MUC6: variants seen among roughly 807,000 people sequenced by gnomAD.
The protein encoded by MUC6 is mucin 6, oligomeric mucus/gel-forming (gene/pseudogene), also known as mucin-6.
A neutral mutation model predicts 201.5 loss-of-function variants in MUC6; 188 were observed. That is an observed-to-expected ratio of 0.93 (90% CI 0.83 to 1.05). The LOEUF is 1.05. MUC6 is among the 50% of genes least tolerant of loss of function. The pLI, the probability that MUC6 is intolerant of heterozygous loss-of-function variation, is 0.00. For synonymous variants in MUC6, 1,228 were observed against 1,389.4 expected (o/e 0.88, Z 2.58); for missense variants, 2,706 against 3,256.9 (o/e 0.83, Z 4.12).
In MUC6 at chr11:1,031,149, C is replaced by A; in HGVS notation, c.574+20G>T. 1.4e-6 allele frequency: 2 copies of A among 1,455,676 alleles called. No homozygotes were observed. Among genetic ancestry groups the A allele is most frequent in the Non-Finnish European group, 1.9e-6 (2 of 1,076,184 alleles). The allele number at this position is 1,455,676 out of a possible 1,614,324, so 90.2% of individuals were successfully genotyped here. A position where few individuals can be genotyped will look rare whatever the true frequency, so the allele number is the denominator to read the frequency against. On this transcript the variant is annotated intron_variant, in intron 5 of 32. Coordinates refer to ENST00000421673, the MANE Select transcript of MUC6 (RefSeq NM_005961.3). ...ACCTAGAGGCCCCCCCAGAGGCCCC[C>A]CAGCCCTGCCCCCACCTACCCTCCT... is the stretch of plus-strand genomic sequence containing the variant.
rs751476138 is a variant in MUC6, at chr11:1,015,763, G to A, written c.7038C>T (p.Pro2346=). The change falls in exon 31 of 33, where the codon CCC becomes CCT. Residue 2346 remains proline (P), a splice_region_variant and synonymous_variant. Transcript: ENST00000421673. ...AAGGGCCACAGAGATGCCACTTACC[G>A]GGTGAGGTGGGCGTAGGTGTCCCGA... ...SSLGTPTPTS[P]GVCSVREQQE... 5.2e-6 allele frequency: 8 copies of A among 1,529,928 alleles called. No homozygotes were observed. Among genetic ancestry groups the A allele is most frequent in the South Asian group, 2.6e-5 (2 of 77,098 alleles). The allele number at this position is 1,529,928 out of a possible 1,614,324, so 94.8% of individuals were successfully genotyped here. A position where few individuals can be genotyped will look rare whatever the true frequency, so the allele number is the denominator to read the frequency against.
Position 1,025,811 on chromosome 11 carries a change from G to C in MUC6, c.2793C>G (p.Phe931Leu). Residue 931 changes from phenylalanine to leucine, a missense_variant, in exon 22 of 33, where the codon TTC (phenylalanine) becomes TTG (leucine). Transcript: ENST00000421673. ...AGTCTGCCCGGCTGCTCACCCCCAG[G>C]AAGATCTTGATGGCCCGTGAGCATG... is the stretch of plus-strand genomic sequence containing the variant. ...GVTCSRAIKI[F>L]LGGLSVVLAD... 2 of 1,611,820 alleles carry C rather than the reference G, an allele frequency of 1.2e-6. No homozygotes were observed. The highest frequency in any genetic ancestry group is 1.7e-6 in the Non-Finnish European group (2 of 1,179,480).
intron 5 of MUC6, 42 bp downstream of exon 5, chr11:1,031,127 T>TAGAGGCCCCCCC: frequency 5.6e-6 from 1 of 177,274 alleles, no homozygotes; most frequent in South Asian, 8.2e-5. Context: ...GCCCCCCACC[T>TAGAGGCCCCCCC]AGAGGCCCCC....
At chr11:1,021,510 G>A (rs1167564462) in intron 26 of MUC6, among the ~76,000 whole-genome samples, 3 of 151,792 alleles carry the variant, frequency 2.0e-5, no homozygotes, top group Non-Finnish European at 4.4e-5. Flanking sequence ...AGCTGCGATT[G>A]CAGGCATGTG....
intron 30 of MUC6, 50 bp downstream of exon 30, chr11:1,019,225 G>A: frequency 6.4e-7 from 1 of 1,566,552 alleles, no homozygotes; most frequent in Non-Finnish European, 8.8e-7. Flanking sequence ...AGCTGGTGGT[G>A]GGACCGGGTG....
At position 1,028,236 on chromosome 11, in the gene MUC6, G is replaced by T. The variant is rs1419317024; in HGVS notation, c.1743C>A (p.Ser581Arg). The T allele has an allele frequency of 5.7e-6, 9 of 1,575,928 alleles. No homozygotes were observed. Among genetic ancestry groups the T allele is most frequent in the Non-Finnish European group, 7.7e-6 (9 of 1,161,536 alleles). Residue 581 changes from serine (S) to arginine (R), a missense_variant, in exon 14 of 33, where the codon AGC (serine) becomes AGA (arginine). By Grantham distance (110) the Ser-to-Arg change is moderately radical. Around this residue, in one of 10 missense-constraint regions of MUC6, gnomAD observed 1,850 missense variants for 1,958.3 expected, o/e 0.94. Transcript: ENST00000421673. ...GGGCCGGACACTCACTGTTGAGCTG[G>T]CTCATGGAGCAGGGGTCAGTCTCAC... ...LERETDPCSM[S>R]QLNKVCAETH...
intron 22 of MUC6, 77 bp downstream of exon 22, chr11:1,025,728 C>T: frequency 1.5e-6 from 2 of 1,341,216 alleles, no homozygotes; most frequent in Admixed American, 2.0e-5. Context: ...CTGGAGGCTC[C>T]AGTGCGCGGG....
At position 1,027,788 on chromosome 11, in the gene MUC6, C is replaced by T; in HGVS notation, c.1878G>A (p.Glu626=). The stretch of plus-strand genomic sequence containing the variant: ...CGGCACAGATGTGGGGAAAGGTCTC[C>T]TCGTAGTTGCAGGCCTGGTACACGC... The part of the protein sequence containing the change: ...KRCVYQACNY[E]ETFPHICAAL... Residue 626 remains glutamate (E), a synonymous_variant, in exon 16 of 33, where the codon GAG becomes GAA. Coordinates refer to ENST00000421673, the MANE Select transcript of MUC6 (RefSeq NM_005961.3). The T allele has an allele frequency of 6.2e-7, 1 of 1,611,100 alleles. No homozygotes were observed. The highest frequency in any genetic ancestry group is 8.5e-7 in the Non-Finnish European group (1 of 1,179,442).
chr11:1,024,212 G>A (rs1457103961), intron 24 of MUC6, 109 bp from the exon 25 acceptor site: 6 of 1,323,756 alleles, frequency 4.5e-6, no homozygotes, highest in Non-Finnish European at 6.2e-6. Flanking sequence ...TGGCGGTAAG[G>A]GCGCTGGGAC....
chr11:1,020,937 GC>G lies in MUC6; in HGVS notation c.3590-204del, dbSNP rs1367101259. Among the ~76,000 whole-genome samples, 5 of 152,256 alleles carry G rather than the reference GC, an allele frequency of 3.3e-5. No individual in the cohort carries two copies. In the East Asian group the frequency reaches 9.7e-4, roughly 29 times the overall value. On this transcript the variant is annotated intron_variant, in intron 27 of 32. Transcript: ENST00000421673. ...CTCTATACCCCAGGCACCCTGGCAG[GC>G]CTGGTGAGGGTAGGGGGAGCTGGGA... is the stretch of plus-strand genomic sequence containing the variant.
At position 1,013,951 on chromosome 11, in the gene MUC6, T is replaced by C. The variant is rs779304221; in HGVS notation, c.7090A>G (p.Met2364Val). ...QQEEITFKGC[M>V]ANVTVTRCEG... is the part of the protein sequence containing the mutation. ...CAGCGGGTTACCGTCACGTTCGCCATGCACCCCTTGAACGTGATCTCCTCC... is the reference window on the plus strand; with the variant it reads ...CAGCGGGTTACCGTCACGTTCGCCACGCACCCCTTGAACGTGATCTCCTCC... Residue 2364 changes from methionine (M) to valine (V), a missense_variant, in exon 32 of 33, where the codon ATG becomes GTG. Coordinates refer to ENST00000421673, the MANE Select transcript of MUC6 (RefSeq NM_005961.3). The C allele has an allele frequency of 1.9e-6, 3 of 1,609,442 alleles. No homozygotes were observed. Among genetic ancestry groups the C allele is most frequent in the African/African-American group, 2.7e-5 (2 of 74,898 alleles).
At chr11:1,027,236 AC>A (rs765263597) in intron 17 of MUC6, 31 bp downstream of exon 17, 1 of 1,608,192 alleles carries the variant, frequency 6.2e-7, no homozygotes, top group Non-Finnish European at 8.5e-7. Flanking sequence ...CCTGGCAGGG[AC>A]CCCCCGCCTG....
Position 1,016,518 on chromosome 11 carries a change from G to A in MUC6, c.6283C>T (p.Pro2095Ser). The change falls in exon 31 of 33, where the codon CCT (proline) becomes TCT (serine). Residue 2095 changes from proline to serine, a missense_variant. Around this residue, in one of 10 missense-constraint regions of MUC6, gnomAD observed 586 missense variants for 488.0 expected, o/e 1.20. Transcript: ENST00000421673. ...GGTGGCCTTGAGCTAGAGTTCTGAG[G>A]CAGCCAAGACGAGGAGGATATGAAG... The part of the protein sequence containing the change: ...SSFISSSSWL[P>S]QNSSSRPPSS... The A allele has an allele frequency of 6.2e-7, 1 of 1,613,454 alleles. No homozygotes were observed. The highest frequency in any genetic ancestry group is 8.5e-7 in the Non-Finnish European group (1 of 1,179,524).
At position 1,016,539 on chromosome 11, in the gene MUC6, TGAAG is replaced by T. The variant is rs779418838; in HGVS notation, c.6258_6261del (p.Phe2087TyrfsTer27). 3.2e-6 allele frequency: 4 copies of T among 1,246,036 alleles called. No homozygotes were observed. The highest frequency in any genetic ancestry group is 3.1e-6 in the Non-Finnish European group (3 of 977,976). The allele number at this position is 1,246,036 out of a possible 1,614,324, so 77.2% of individuals were successfully genotyped here. ...TGAGGCAGCCAAGACGAGGAGGATA[TGAAG>T]GAAGAAGAGGCTGTAGCTGTGCTGA... is the stretch of plus-strand genomic sequence containing the variant. On this transcript the variant is annotated frameshift_variant, in exon 31 of 33. Coordinates refer to ENST00000421673, the MANE Select transcript of MUC6 (RefSeq NM_005961.3). LOFTEE classifies it high-confidence loss of function.
chr11:1,019,589 T>A, intron 29 of MUC6, 93 bp from the exon 30 acceptor site: 1 of 1,113,248 alleles, frequency 9.0e-7, no homozygotes, highest in Non-Finnish European at 1.3e-6. Flanking sequence ...CTGGGATCCC[T>A]GGCCTGCTGT....
rs779857250 is a variant in MUC6 at position 1,030,946 on chromosome 11, C to T, written c.684+1G>A. The T allele has an allele frequency of 1.1e-5, 17 of 1,567,446 alleles. No homozygotes were observed. Among genetic ancestry groups the T allele is most frequent in the South Asian group, 3.5e-5 (3 of 85,158 alleles). On this transcript the variant is annotated splice_donor_variant, in intron 6 of 32. Coordinates refer to ENST00000421673, the MANE Select transcript of MUC6 (RefSeq NM_005961.3). LOFTEE classifies it high-confidence loss of function. ...GCCCCACCTGGAGCCCCCTTGCTTA[C>T]GTGCTGGGCCTGCCGGACGTGGGTG...
In MUC6 at chr11:1,024,064, C is replaced by G. The variant is rs375978389; in HGVS notation, c.3265G>C (p.Ala1089Pro). The G allele has an allele frequency of 8.1e-6, 13 of 1,612,988 alleles. No individual in the cohort carries two copies. The highest frequency in any genetic ancestry group is 1.1e-5 in the Non-Finnish European group (13 of 1,179,796). The change falls in exon 25 of 33, where the codon GCA becomes CCA. Residue 1089 changes from alanine to proline, a missense_variant. Ala to Pro is a conservative substitution (Grantham distance 27). Coordinates refer to ENST00000421673, the MANE Select transcript of MUC6 (RefSeq NM_005961.3). Reference protein sequence around the residue: ...LPYYEACVRDACGCDSGGDCE... With the variant: ...LPYYEACVRDPCGCDSGGDCE... ...TCCCCGCCACTGTCACACCCACATG[C>G]GTCGCGCACGCAGGCCTCGTAGTAG...
In MUC6 at chr11:1,022,851, ATGTG is replaced by A. The variant is rs549974117; in HGVS notation, c.3526+654_3526+657del. The stretch of plus-strand genomic sequence containing the variant: ...AGCAAACATGAATGAATGAATGAAT[ATGTG>A]TGAATGAATGTGCATGGGTGAATGT... On this transcript the variant is annotated intron_variant, in intron 26 of 32. Transcript: ENST00000421673. Among the ~76,000 whole-genome samples, 152 of 151,694 alleles carry A rather than the reference ATGTG, an allele frequency of 1.0e-3. 1 individual carries two copies. The highest frequency in any genetic ancestry group is 3.6e-3 in the African/African-American group (149 of 41,024).
At position 1,027,463 on chromosome 11, in the gene MUC6, C is replaced by CA. The variant is rs1564842016; in HGVS notation, c.2035_2036insT (p.Arg679LeufsTer90). ...ACGGTCCGACAGCGACAGGCAGGTG[C>CA]GCTCACAGGCTTGGCTGTTGTAGCT... On this transcript the variant is annotated frameshift_variant, in exon 17 of 33. Transcript: ENST00000421673. LOFTEE classifies it high-confidence loss of function. 1.9e-6 allele frequency: 3 copies of CA among 1,612,698 alleles called. No homozygotes were observed. Among genetic ancestry groups the CA allele is most frequent in the Non-Finnish European group, 2.5e-6 (3 of 1,179,810 alleles).
Sources: allele counts gnomAD v4.1 joint callset (sites outside exome capture counted in the v4.1 genomes callset), GRCh38; gene constraint gnomAD v4.1.1; regional missense constraint gnomAD v4.1.1; transcripts MANE v1.5; gene names NCBI Gene and HGNC (gene_info 2026-07-23, HGNC 2026-07-21).